The following SNTG1 variants were observed in gnomAD, a reference collection of about 807,000 sequenced individuals.
SNTG1 encodes the protein gamma-1-syntrophin.
SNTG1 carries 39 observed loss-of-function variants against 74.7 expected under a neutral mutation model. The observed-to-expected ratio is 0.52, with a 90% CI of 0.40 to 0.68. SNTG1 has a LOEUF of 0.68. SNTG1 is among the 30% of genes least tolerant of loss of function. The pLI, the probability that SNTG1 is intolerant of heterozygous loss-of-function variation, is 0.00. For missense variants in SNTG1, 685 were observed against 609.5 expected (o/e 1.12, Z -1.30); for synonymous variants, 254 against 217.1 (o/e 1.17, Z -1.49).
At chr8:50,536,033 G>A (rs1169119761) in intron 10 of SNTG1, among the ~76,000 whole-genome samples, 1 of 151,964 alleles carries the variant, frequency 6.6e-6, no homozygotes, top group Non-Finnish European at 1.5e-5. Context: ...TATATATAAA[G>A]GAAGAAAAAA....
chr8:50,745,359 A>T (rs569401482), intron 17 of SNTG1, among the ~76,000 whole-genome samples: 36 of 152,102 alleles, frequency 2.4e-4, no homozygotes, highest in Non-Finnish European at 4.1e-4. Context: ...CTTTACATTC[A>T]TTGGGATGGC....
At chr8:50,584,210 G>C (rs1341714769) in intron 12 of SNTG1, among the ~76,000 whole-genome samples, 1 of 152,016 alleles carries the variant, frequency 6.6e-6, no homozygotes, top group Non-Finnish European at 1.5e-5. Flanking sequence ...CTTTGCTCTT[G>C]TAAATAGGGC....
At chr8:50,217,628 C>T (rs556785021) in intron 2 of SNTG1, among the ~76,000 whole-genome samples, 1 of 127,610 alleles carries the variant, frequency 7.8e-6, no homozygotes, top group African/African-American at 4.1e-5. Flanking sequence ...ATATTAAAAA[C>T]CTATTATATT....
At chr8:50,356,320 T>C (rs1459311167) in intron 2 of SNTG1, among the ~76,000 whole-genome samples, 1 of 152,090 alleles carries the variant, frequency 6.6e-6, no homozygotes, top group East Asian at 1.9e-4. Context: ...GGATTCCTAA[T>C]AGAGAAGTAT....
intron 2 of SNTG1, among the ~76,000 whole-genome samples, chr8:50,231,643 G>A (rs1446314407): frequency 1.3e-5 from 2 of 151,320 alleles, no homozygotes; most frequent in Admixed American, 6.6e-5. Flanking sequence ...GATTCCAAAT[G>A]TTCTCACTTA....
At chr8:50,785,205 T>C (rs1007816261) in intron 18 of SNTG1, among the ~76,000 whole-genome samples, 7 of 151,552 alleles carry the variant, frequency 4.6e-5, no homozygotes, top group African/African-American at 1.2e-4. Flanking sequence ...CAGAAATATA[T>C]AAAAAAAGAA....
intron 2 of SNTG1, among the ~76,000 whole-genome samples, chr8:50,368,303 C>T (rs111833558): frequency 6.6e-6 from 1 of 152,132 alleles, no homozygotes; most frequent in African/African-American, 2.4e-5. Flanking sequence ...GGCTATTTAC[C>T]AGATACAATT....
chr8:50,738,707 A>G (rs775298089), intron 17 of SNTG1, among the ~76,000 whole-genome samples: 2 of 152,074 alleles, frequency 1.3e-5, no homozygotes, highest in Non-Finnish European at 2.9e-5. Context: ...GTACCAAAAC[A>G]GAGATATAGA....
At chr8:50,216,125 A>G (rs1019717517) in intron 2 of SNTG1, among the ~76,000 whole-genome samples, 1 of 152,086 alleles carries the variant, frequency 6.6e-6, no homozygotes, top group African/African-American at 2.4e-5. Context: ...ACTGTTTTCA[A>G]TGGGTCAGCT....
intron 15 of SNTG1, among the ~76,000 whole-genome samples, chr8:50,660,736 A>C (rs1376111606): frequency 6.6e-6 from 1 of 152,196 alleles, no homozygotes; most frequent in African/African-American, 2.4e-5. Flanking sequence ...TTAGAACATA[A>C]TGCAGTTTAC....
chr8:50,674,018 G>A (rs1421235431), intron 15 of SNTG1, among the ~76,000 whole-genome samples: 1 of 152,164 alleles, frequency 6.6e-6, no homozygotes, highest in African/African-American at 2.4e-5. Context: ...GCATCCCAGG[G>A]ATGAAGCTGA....
chr8:50,211,631 C>T (rs187329940), intron 2 of SNTG1, among the ~76,000 whole-genome samples: 2 of 152,144 alleles, frequency 1.3e-5, no homozygotes, highest in Admixed American at 1.3e-4. Flanking sequence ...TAAAACAATT[C>T]TAAGAGAAAT....
At chr8:50,244,490 T>C (rs2086303703) in intron 2 of SNTG1, among the ~76,000 whole-genome samples, 1 of 152,192 alleles carries the variant, frequency 6.6e-6, no homozygotes, top group Non-Finnish European at 1.5e-5. Context: ...AGTCATGAGC[T>C]TCAAAACCAT....
chr8:49,920,520 T>C (rs1175393390), intron 1 of SNTG1, among the ~76,000 whole-genome samples: 1 of 152,064 alleles, frequency 6.6e-6, no homozygotes, highest in Non-Finnish European at 1.5e-5. Context: ...TAGGCTTGAC[T>C]TGCTTTAGAT....
chr8:50,570,155 C>T (rs2094538609), intron 12 of SNTG1, among the ~76,000 whole-genome samples: 1 of 151,684 alleles, frequency 6.6e-6, no homozygotes, highest in Non-Finnish European at 1.5e-5. Flanking sequence ...CAACCCAAAA[C>T]ATCTGCGTTG....
chr8:49,991,245 C>T (rs1813658391), intron 1 of SNTG1, among the ~76,000 whole-genome samples: 2 of 152,096 alleles, frequency 1.3e-5, no homozygotes, highest in South Asian at 4.1e-4. Flanking sequence ...AATTAAATGG[C>T]ATTTCATATA....
intron 2 of SNTG1, among the ~76,000 whole-genome samples, chr8:50,271,949 G>T (rs537331695): frequency 2.0e-5 from 3 of 152,112 alleles, no homozygotes; most frequent in Non-Finnish European, 4.4e-5. Flanking sequence ...TCATAAAAGA[G>T]ACCCCAGGGA....
chr8:50,106,341 T>G (rs2080370472), intron 1 of SNTG1, among the ~76,000 whole-genome samples: 1 of 152,084 alleles, frequency 6.6e-6, no homozygotes, highest in African/African-American at 2.4e-5. Context: ...GGAATCCACC[T>G]CCATGATCCA....
chr8:50,771,624 A>G (rs2095627387), intron 18 of SNTG1, among the ~76,000 whole-genome samples: 1 of 147,734 alleles, frequency 6.8e-6, no homozygotes. Context: ...TAGTTGCTAA[A>G]GAGATTAGCA....
Sources: allele counts gnomAD v4.1 joint callset (sites outside exome capture counted in the v4.1 genomes callset), GRCh38; gene constraint gnomAD v4.1.1; transcripts MANE v1.5; gene names NCBI Gene and HGNC (gene_info 2026-07-23, HGNC 2026-07-21).